KALRN: variants seen among roughly 807,000 people sequenced by gnomAD.
KALRN encodes the protein kalirin RhoGEF kinase.
Under a neutral mutation model 353.7 loss-of-function variants are expected in KALRN, and 70 were observed. The ratio of observed to expected loss-of-function variants is 0.20; its 90% CI spans 0.16 to 0.24. The LOEUF (loss-of-function observed/expected upper bound fraction) is 0.24, where lower values mean the gene tolerates loss of function less well. KALRN is among the 10% of genes least tolerant of loss of function. KALRN has a pLI of 1.00. For synonymous variants in KALRN, 1,391 were observed against 1,434.8 expected (o/e 0.97, Z 0.69); for missense variants, 2,791 against 3,756.7 (o/e 0.74, Z 6.72).
intron 49 of KALRN, 69 bp downstream of exon 49, chr3:124,674,683 A>G: frequency 7.0e-7 from 1 of 1,438,180 alleles, no homozygotes; most frequent in South Asian, 1.5e-5. Context: ...CAAACAAAAG[A>G]ACACAAAAAT....
At chr3:124,119,871 G>A (rs13065955) in intron 1 of KALRN, among the ~76,000 whole-genome samples, 5,039 of 152,280 alleles carry the variant, frequency 0.033, 222 homozygotes, top group East Asian at 0.18. Flanking sequence ...TCAGGTTAAT[G>A]CCTTTGGGGG....
chr3:124,352,136 G>A (rs1023336994), intron 10 of KALRN, among the ~76,000 whole-genome samples: 2 of 152,106 alleles, frequency 1.3e-5, no homozygotes, highest in Non-Finnish European at 2.9e-5. Context: ...CTCCCCAAAT[G>A]GCTAAGGCCA....
intron 1 of KALRN, among the ~76,000 whole-genome samples, chr3:124,053,112 C>T (rs1475963884): frequency 6.6e-6 from 1 of 152,172 alleles, no homozygotes; most frequent in Non-Finnish European, 1.5e-5. Flanking sequence ...TAGTTGCTCA[C>T]TATAGCCTCG....
chr3:124,631,078 G>A (rs765909201), intron 34 of KALRN, among the ~76,000 whole-genome samples: 2 of 152,112 alleles, frequency 1.3e-5, no homozygotes, highest in African/African-American at 4.8e-5. Flanking sequence ...TTGACACGCC[G>A]ATTTCTCCCT....
intron 15 of KALRN, among the ~76,000 whole-genome samples, chr3:124,427,846 C>T (rs2093092358): frequency 1.3e-5 from 2 of 152,178 alleles, no homozygotes; most frequent in South Asian, 4.1e-4. Flanking sequence ...ATCATCTAAC[C>T]TATTAGGTAA....
At chr3:124,678,481 A>G (rs1290122498) in intron 50 of KALRN, 168 bp downstream of exon 50, 6 of 632,878 alleles carry the variant, frequency 9.5e-6, no homozygotes, top group East Asian at 3.1e-5. Context: ...TTTATTTTTT[A>G]TCTTTTATTT....
chr3:124,170,878 G>T (rs1203472017), intron 1 of KALRN, among the ~76,000 whole-genome samples: 2 of 86,646 alleles, frequency 2.3e-5, no homozygotes, highest in African/African-American at 9.4e-5. Flanking sequence ...TTTGAGACAT[G>T]GTCTCGCTTT....
At chr3:124,060,719 C>T (rs921355136) in intron 1 of KALRN, among the ~76,000 whole-genome samples, 1 of 152,216 alleles carries the variant, frequency 6.6e-6, no homozygotes, top group East Asian at 1.9e-4. Flanking sequence ...TGTGGGTGGG[C>T]AGGAGGCTTA....
intron 6 of KALRN, among the ~76,000 whole-genome samples, chr3:124,322,320 C>T (rs1476574302): frequency 6.6e-6 from 1 of 152,212 alleles, no homozygotes; most frequent in African/African-American, 2.4e-5. Context: ...TCGACTCCCT[C>T]ACAGATGAGG....
chr3:124,393,234 G>C (rs76878271), intron 11 of KALRN, among the ~76,000 whole-genome samples: 17,815 of 152,182 alleles, frequency 0.12, 1,276 homozygotes, highest in Non-Finnish European at 0.16. Flanking sequence ...CCAAAGTGTT[G>C]GGATTGCAGG....
At chr3:124,174,141 T>C (rs556245771) in intron 1 of KALRN, among the ~76,000 whole-genome samples, 1 of 152,142 alleles carries the variant, frequency 6.6e-6, no homozygotes, top group South Asian at 2.1e-4. Flanking sequence ...CTTTTAAAAG[T>C]ATAGCATTTG....
At chr3:124,618,469 T>A (rs2078905221) in intron 34 of KALRN, among the ~76,000 whole-genome samples, 1 of 152,180 alleles carries the variant, frequency 6.6e-6, no homozygotes, top group African/African-American at 2.4e-5. Flanking sequence ...AAACTGGAAG[T>A]TAGCCTTGCC....
At position 124,689,406 on chromosome 3, in the gene KALRN, A is replaced by C. The variant is rs557529856; in HGVS notation, c.7378-4398A>C. On this transcript the variant is annotated intron_variant, in intron 51 of 59. Coordinates refer to ENST00000682506, the MANE Select transcript of KALRN (RefSeq NM_001388419.1). ...TTTTTAGTAAAGATGAGGTCTCATTATGTTGCCCAGGCTGGTCTTGAACTA... is the reference window on the plus strand; with the variant it reads ...TTTTTAGTAAAGATGAGGTCTCATTCTGTTGCCCAGGCTGGTCTTGAACTA... Among the ~76,000 whole-genome samples, 68 of 151,822 alleles carry C rather than the reference A, an allele frequency of 4.5e-4. 2 individuals carry two copies. The South Asian group carries it at 0.014, about 31-fold the overall frequency.
intron 28 of KALRN, among the ~76,000 whole-genome samples, chr3:124,484,828 G>A (rs911187495): frequency 2.6e-5 from 4 of 152,186 alleles, no homozygotes; most frequent in Non-Finnish European, 5.9e-5. Context: ...TCATGGTCGG[G>A]CATGGTGGCT....
chr3:124,094,668 ACAGT>A (rs1411691533), intron 1 of KALRN: 2 of 655,700 alleles, frequency 3.1e-6, no homozygotes, highest in East Asian at 5.5e-5. Flanking sequence ...GGCTCCCGGC[ACAGT>A]CAGCCTCTGT....
Position 124,666,565 on chromosome 3 carries a change from T to A in KALRN, c.6462T>A (p.Ile2154=), listed in dbSNP as rs548128026. ...GGCGCGTGTTCCTCTTCGAGCAGAT[T>A]GTCATCTTCAGTGAACTGCTCAGGA... ...KERRVFLFEQ[I]VIFSELLRKG... is the part of the protein sequence containing the mutation. The change falls in exon 46 of 60, where the codon ATT becomes ATA. Residue 2154 remains isoleucine (I), a synonymous_variant. Transcript: ENST00000682506. 1 of 1,614,064 alleles carries A rather than the reference T, an allele frequency of 6.2e-7. No homozygotes were observed. Among genetic ancestry groups the A allele is most frequent in the South Asian group, 1.1e-5 (1 of 91,076 alleles).
intron 1 of KALRN, among the ~76,000 whole-genome samples, chr3:124,048,753 G>A (rs2040756207): frequency 6.6e-6 from 1 of 152,196 alleles, no homozygotes; most frequent in Non-Finnish European, 1.5e-5. Context: ...ATCCTGCTGG[G>A]ATTACAGGCG....
At chr3:124,504,747 C>A in intron 33 of KALRN, 1 of 426,492 alleles carries the variant, frequency 2.3e-6, no homozygotes, top group Non-Finnish European at 4.9e-6. Context: ...GCAGTGAGCA[C>A]TGGGATGTGG....
At chr3:124,201,148 A>G (rs1468397394) in intron 1 of KALRN, among the ~76,000 whole-genome samples, 5 of 152,240 alleles carry the variant, frequency 3.3e-5, no homozygotes, top group Admixed American at 3.3e-4. Flanking sequence ...TGACCAAGAG[A>G]CAAAGGCCAC....
Sources: allele counts gnomAD v4.1 joint callset (sites outside exome capture counted in the v4.1 genomes callset), GRCh38; gene constraint gnomAD v4.1.1; transcripts MANE v1.5; gene names NCBI Gene and HGNC (gene_info 2026-07-23, HGNC 2026-07-21).